Variants in HDAC9 observed in about 807,000 individuals in gnomAD.
HDAC9 encodes histone deacetylase 9, also known as MEF-2 interacting transcription repressor (MITR) protein.
A neutral mutation model predicts 139.4 loss-of-function variants in HDAC9; 41 were observed. The ratio of observed to expected loss-of-function variants is 0.29; its 90% CI spans 0.23 to 0.38. The LOEUF (loss-of-function observed/expected upper bound fraction) is 0.38, where lower values mean the gene tolerates loss of function less well. Among genes scored for constraint, HDAC9 ranks in the 10% least tolerant of loss-of-function variants. The probability of loss-of-function intolerance (pLI) is 1.00; values close to 1 mark genes in which losing one functional copy is unlikely to be tolerated. For synonymous variants in HDAC9, 517 were observed against 476.2 expected (o/e 1.09, Z -1.12); for missense variants, 1,147 against 1,297.0 (o/e 0.88, Z 1.78).
rs185555804 is a variant in HDAC9 at position 18,920,572 on chromosome 7, A to G, written c.2804-15237A>G. ...AGAGAGGGCATCCCTGTCTTGTGCC[A>G]GTTTTCAAAGGGAATGCTTCCAGTT... is the stretch of plus-strand genomic sequence containing the variant. On this transcript the variant is annotated intron_variant, in intron 22 of 25. Coordinates refer to ENST00000686413, the MANE Select transcript of HDAC9 (RefSeq NM_178425.4). Among the ~76,000 whole-genome samples the G allele has an allele frequency of 9.2e-5, 14 of 152,052 alleles. No homozygotes were observed. The East Asian group carries it at 1.4e-3, about 15-fold the overall frequency.
intron 1 of HDAC9, among the ~76,000 whole-genome samples, chr7:18,349,009 A>G (rs1268980249): frequency 2.0e-5 from 3 of 152,172 alleles, no homozygotes; most frequent in Non-Finnish European, 2.9e-5. Context: ...TCTGTCTTCA[A>G]GCCCAAGTTC....
intron 24 of HDAC9, among the ~76,000 whole-genome samples, chr7:18,967,013 A>G (rs1783902038): frequency 1.3e-5 from 2 of 152,244 alleles, no homozygotes; most frequent in Admixed American, 1.3e-4. Context: ...AAGCGAATTG[A>G]TAATGAATAT....
intron 17 of HDAC9, among the ~76,000 whole-genome samples, chr7:18,811,991 A>G (rs1456252084): frequency 2.0e-5 from 3 of 151,928 alleles, no homozygotes; most frequent in South Asian, 4.1e-4. Context: ...TAATATACAC[A>G]TGTAGCTTAT....
At chr7:18,688,771 AG>A (rs1360818193) in intron 12 of HDAC9, among the ~76,000 whole-genome samples, 2 of 152,074 alleles carry the variant, frequency 1.3e-5, no homozygotes, top group Admixed American at 1.3e-4. Context: ...AAATTGGAGC[AG>A]GGCAGAGGTC....
At chr7:18,592,578 A>G (rs750832840) in intron 5 of HDAC9, among the ~76,000 whole-genome samples, 3 of 152,070 alleles carry the variant, frequency 2.0e-5, no homozygotes, top group Non-Finnish European at 2.9e-5. Flanking sequence ...ACTCTGTTAT[A>G]TTAATATTGT....
chr7:18,558,577 T>G (rs1819596716), intron 2 of HDAC9, among the ~76,000 whole-genome samples: 1 of 152,198 alleles, frequency 6.6e-6, no homozygotes, highest in Non-Finnish European at 1.5e-5. Context: ...ATTTAGTCCC[T>G]CTATTGTAAC....
chr7:18,810,377 GTATGTGGGCACCTTTGGGGAA>G, intron 17 of HDAC9, among the ~76,000 whole-genome samples: 1 of 151,952 alleles, frequency 6.6e-6, no homozygotes, highest in Non-Finnish European at 1.5e-5. Context: ...CTGGGAGTTA[GTATGTGGGCACCTTTGGGGAA>G]ATATTCTGCT....
intron 2 of HDAC9, among the ~76,000 whole-genome samples, chr7:18,258,261 A>G (rs1352621116): frequency 6.6e-6 from 1 of 152,206 alleles, no homozygotes; most frequent in African/African-American, 2.4e-5. Flanking sequence ...ACTATCTAAT[A>G]TGGGTGAAGC....
At chr7:18,864,191 A>G (rs1280885556) in intron 21 of HDAC9, among the ~76,000 whole-genome samples, 6 of 152,208 alleles carry the variant, frequency 3.9e-5, no homozygotes, top group Non-Finnish European at 5.9e-5. Flanking sequence ...ATAGAATATT[A>G]TTCGGCCTTG....
chr7:18,318,423 G>A (rs1004296417), intron 1 of HDAC9, among the ~76,000 whole-genome samples: 1 of 152,180 alleles, frequency 6.6e-6, no homozygotes, highest in Non-Finnish European at 1.5e-5. Flanking sequence ...GATGGCATTT[G>A]TTTCAACGAT....
intron 1 of HDAC9, among the ~76,000 whole-genome samples, chr7:18,090,159 G>T (rs2128057153): frequency 1.3e-5 from 2 of 152,262 alleles, no homozygotes; most frequent in East Asian, 3.9e-4. Flanking sequence ...GGAGGCGGCA[G>T]GTACACTGAT....
At chr7:18,808,556 T>G (rs1043666501) in intron 17 of HDAC9, among the ~76,000 whole-genome samples, 1 of 151,888 alleles carries the variant, frequency 6.6e-6, no homozygotes, top group African/African-American at 2.4e-5. Flanking sequence ...CCACTTACAA[T>G]AGCTACAGAA....
chr7:18,497,668 C>A (rs1003705968), intron 2 of HDAC9, among the ~76,000 whole-genome samples: 9 of 152,158 alleles, frequency 5.9e-5, no homozygotes, highest in Non-Finnish European at 1.3e-4. Flanking sequence ...GAGGGTTTAA[C>A]AGGTATGTCT....
intron 24 of HDAC9, among the ~76,000 whole-genome samples, chr7:18,960,009 A>AAC (rs58030908): frequency 0.049 from 7,305 of 148,970 alleles, 251 homozygotes; most frequent in African/African-American, 0.094. Flanking sequence ...TGTTGTTTTA[A>AAC]ACACACACAC....
chr7:18,595,197 G>T lies in HDAC9; in HGVS notation c.664+1168G>T, dbSNP rs549051361. The stretch of plus-strand genomic sequence containing the variant: ...TTTAACTATTGCAAAACAACCTGTG[G>T]CTTTTTAATTTAAATAGCCCAAATA... On this transcript the variant is annotated intron_variant, in intron 6 of 25. Transcript: ENST00000686413. Among the ~76,000 whole-genome samples the T allele has an allele frequency of 3.3e-5, 5 of 152,076 alleles. No individual in the cohort carries two copies. The South Asian group carries it at 8.3e-4, about 25-fold the overall frequency.
At chr7:18,624,970 T>C (rs116342045) in intron 6 of HDAC9, among the ~76,000 whole-genome samples, 1,702 of 152,162 alleles carry the variant, frequency 0.011, 30 homozygotes, top group African/African-American at 0.038. Context: ...TTGTATACTG[T>C]ATATTTTGTT....
chr7:18,702,160 C>T lies in HDAC9; in HGVS notation c.1732-25420C>T, dbSNP rs569495578. Among the ~76,000 whole-genome samples, 131 of 152,304 alleles carry T rather than the reference C, an allele frequency of 8.6e-4. 1 individual carries two copies. Among genetic ancestry groups the T allele is most frequent in the African/African-American group, 3.0e-3 (123 of 41,566 alleles). ...TGACCCGTGAAAAGGGACAGGCTGT[C>T]GCTTGTGCCAGACCCATCTTTCTAT... On this transcript the variant is annotated intron_variant, in intron 12 of 25. Transcript: ENST00000686413.
At position 18,437,375 on chromosome 7, in the gene HDAC9, T is replaced by C. The variant is rs150168827; in HGVS notation, c.-41-58887T>C. Among the ~76,000 whole-genome samples the C allele has an allele frequency of 6.8e-4, 103 of 152,226 alleles. 3 individuals are homozygous for C. The East Asian group carries it at 0.019, about 28-fold the overall frequency. Reference sequence around the variant, plus strand: ...GACCCCTGAATCACCAGTGTGTATCTCTGCGACCATGGACAACTCATTTCA... The same window carrying C: ...GACCCCTGAATCACCAGTGTGTATCCCTGCGACCATGGACAACTCATTTCA... On this transcript the variant is annotated intron_variant, in intron 1 of 3. Transcript: ENST00000413509.
At chr7:18,703,515 T>C (rs1191258280) in intron 12 of HDAC9, among the ~76,000 whole-genome samples, 1 of 152,206 alleles carries the variant, frequency 6.6e-6, no homozygotes. Context: ...TAAATCTGGT[T>C]TGCACTTCTG....
Sources: allele counts gnomAD v4.1 joint callset (sites outside exome capture counted in the v4.1 genomes callset), GRCh38; gene constraint gnomAD v4.1.1; transcripts MANE v1.5; gene names NCBI Gene and HGNC (gene_info 2026-07-23, HGNC 2026-07-21).